Variants in CTNNA3 observed in about 807,000 individuals in gnomAD.
CTNNA3 encodes catenin alpha-3.
A neutral mutation model predicts 95.7 loss-of-function variants in CTNNA3; 76 were observed. The ratio of observed to expected loss-of-function variants is 0.79; its 90% CI spans 0.66 to 0.96. The LOEUF is 0.96. Ranked by LOEUF, CTNNA3 falls within the 40% of genes least tolerant of loss-of-function variation. The pLI is 0.00. For synonymous variants in CTNNA3, 431 were observed against 374.4 expected, an observed-to-expected ratio of 1.15 and a Z score of -1.74; for missense variants, 1,191 against 1,089.8, an observed-to-expected ratio of 1.09 and a Z score of -1.31.
intron 1 of CTNNA3, among the ~76,000 whole-genome samples, chr10:67,694,265 T>C (rs1835896976): frequency 6.6e-6 from 1 of 152,084 alleles, no homozygotes; most frequent in African/African-American, 2.4e-5. Flanking sequence ...AGTGGAAATT[T>C]TGTAGGTAGG....
rs2078143539 is a variant in CTNNA3, at chr10:65,973,156, G to T, written c.2266-6410C>A. ...GACAGCTGGCTAGCCAAAGGCAGAA[G>T]AATTAAACTGGACCCCTATTTTTCA... On this transcript the variant is annotated intron_variant, in intron 16 of 17. Coordinates refer to ENST00000433211, the MANE Select transcript of CTNNA3 (RefSeq NM_013266.4). Among the ~76,000 whole-genome samples the T allele has an allele frequency of 2.0e-5, 3 of 152,230 alleles. No individual in the cohort carries two copies. In the South Asian group the frequency reaches 6.2e-4, roughly 32 times the overall value.
At position 66,500,259 on chromosome 10, in the gene CTNNA3, T is replaced by C. The variant is rs184806019; in HGVS notation, c.1531+20358A>G. 7.9e-4 allele frequency among the ~76,000 whole-genome samples: 121 copies of C among 152,270 alleles called. 1 individual carries two copies. Among genetic ancestry groups the C allele is most frequent in the African/African-American group, 2.9e-3 (120 of 41,556 alleles). On this transcript the variant is annotated intron_variant, in intron 11 of 17. Coordinates refer to ENST00000433211, the MANE Select transcript of CTNNA3 (RefSeq NM_013266.4). ...CAAATTATAAATTTATTTAGTGAAATAGTGATAGTATAAATATATATCATG... is the reference window on the plus strand; with the variant it reads ...CAAATTATAAATTTATTTAGTGAAACAGTGATAGTATAAATATATATCATG...
At chr10:66,560,063 G>A (rs1025549380) in intron 10 of CTNNA3, among the ~76,000 whole-genome samples, 1 of 151,962 alleles carries the variant, frequency 6.6e-6, no homozygotes, top group Non-Finnish European at 1.5e-5. Context: ...TCTCAGAAAT[G>A]GTGGTTAGAG....
chr10:67,232,196 A>C (rs1392408088), intron 5 of CTNNA3, among the ~76,000 whole-genome samples: 1 of 152,176 alleles, frequency 6.6e-6, no homozygotes, highest in Non-Finnish European at 1.5e-5. Context: ...AGCAACTCCA[A>C]GACACATAAT....
At chr10:67,566,431 C>T (rs1427924386) in intron 3 of CTNNA3, among the ~76,000 whole-genome samples, 1 of 152,002 alleles carries the variant, frequency 6.6e-6, no homozygotes, top group East Asian at 1.9e-4. Flanking sequence ...TGCTCATCAT[C>T]ACTGGCCATC....
chr10:67,441,289 A>T (rs1564651962), intron 5 of CTNNA3, among the ~76,000 whole-genome samples: 2 of 151,954 alleles, frequency 1.3e-5, no homozygotes, highest in Admixed American at 6.6e-5. Flanking sequence ...AATAAAAAGC[A>T]ATGTAGCATG....
chr10:66,809,755 A>G (rs905857364), intron 7 of CTNNA3, among the ~76,000 whole-genome samples: 1 of 151,616 alleles, frequency 6.6e-6, no homozygotes, highest in Non-Finnish European at 1.5e-5. Flanking sequence ...CATTTAGGAA[A>G]ATGTTTTCTA....
chr10:67,391,075 G>T (rs1400723438), intron 5 of CTNNA3, among the ~76,000 whole-genome samples: 5 of 150,490 alleles, frequency 3.3e-5, no homozygotes, highest in Non-Finnish European at 1.5e-5. Context: ...GCAGGAGAAG[G>T]AAATAAAGGG....
chr10:66,309,656 A>C (rs1175677839), intron 12 of CTNNA3, among the ~76,000 whole-genome samples: 1 of 134,578 alleles, frequency 7.4e-6, no homozygotes, highest in East Asian at 2.5e-4. Flanking sequence ...ACTGCACTCC[A>C]GCCTAGGCGG....
intron 12 of CTNNA3, among the ~76,000 whole-genome samples, chr10:66,309,947 AAATAAAT>A (rs1221148444): frequency 7.6e-6 from 1 of 130,770 alleles, no homozygotes; most frequent in Non-Finnish European, 1.6e-5. Flanking sequence ...ATAAATAAAT[AAATAAAT>A]AAAATAAAAA....
At chr10:66,078,452 T>C (rs998308788) in intron 14 of CTNNA3, among the ~76,000 whole-genome samples, 1 of 151,872 alleles carries the variant, frequency 6.6e-6, no homozygotes, top group Non-Finnish European at 1.5e-5. Context: ...CCAGACAGAA[T>C]TGCAAATTCT....
At chr10:66,137,716 G>A (rs1247059245) in intron 13 of CTNNA3, among the ~76,000 whole-genome samples, 1 of 152,102 alleles carries the variant, frequency 6.6e-6, no homozygotes, top group Non-Finnish European at 1.5e-5. Context: ...GGAGGCTGAG[G>A]TGGGTGGATA....
chr10:67,277,980 G>A, intron 5 of CTNNA3, among the ~76,000 whole-genome samples: 1 of 152,118 alleles, frequency 6.6e-6, no homozygotes, highest in South Asian at 2.1e-4. Context: ...ATGCTGCCCT[G>A]CCTATGGACT....
chr10:66,362,354 G>A (rs1396428722), intron 12 of CTNNA3, among the ~76,000 whole-genome samples: 2 of 151,264 alleles, frequency 1.3e-5, no homozygotes, highest in Non-Finnish European at 3.0e-5. Context: ...TCCCACCTCG[G>A]CCTCCCAAAG....
chr10:66,162,733 G>T (rs954236313), intron 13 of CTNNA3, among the ~76,000 whole-genome samples: 1 of 152,200 alleles, frequency 6.6e-6, no homozygotes, highest in South Asian at 2.1e-4. Context: ...AGGTATAGTA[G>T]TATGGAGAGG....
At chr10:65,988,833 C>T (rs143460405) in intron 15 of CTNNA3, 36 bp from the exon 16 acceptor site, 1 of 1,471,482 alleles carries the variant, frequency 6.8e-7, no homozygotes, top group Non-Finnish European at 9.5e-7. Flanking sequence ...CTGTGGTGTT[C>T]ATGAGAAAAT....
At chr10:67,381,667 G>C (rs184248978) in intron 5 of CTNNA3, among the ~76,000 whole-genome samples, 95 of 152,180 alleles carry the variant, frequency 6.2e-4, no homozygotes, top group Non-Finnish European at 1.2e-3. Context: ...TGTTATCTGT[G>C]TACTCTCTGC....
intron 9 of CTNNA3, among the ~76,000 whole-genome samples, chr10:66,688,536 C>T (rs567398486): frequency 1.6e-4 from 25 of 152,274 alleles, no homozygotes; most frequent in Non-Finnish European, 3.7e-4. Flanking sequence ...GTGACATCTT[C>T]TCTGACACTA....
At chr10:66,515,339 C>CTA (rs1800695544) in intron 11 of CTNNA3, among the ~76,000 whole-genome samples, 1 of 143,952 alleles carries the variant, frequency 6.9e-6, no homozygotes, top group African/African-American at 2.6e-5. Context: ...GTCTCTCTCT[C>CTA]TCTCTCTATA....
Sources: allele counts gnomAD v4.1 joint callset (sites outside exome capture counted in the v4.1 genomes callset), GRCh38; gene constraint gnomAD v4.1.1; transcripts MANE v1.5; gene names NCBI Gene and HGNC (gene_info 2026-07-23, HGNC 2026-07-21).